The following THADA variants were observed in gnomAD, a reference collection of about 807,000 sequenced individuals.
THADA encodes the protein THADA armadillo repeat containing.
A neutral mutation model predicts 219.8 loss-of-function variants in THADA; 213 were observed. The ratio of observed to expected loss-of-function variants is 0.97; its 90% CI spans 0.87 to 1.09. THADA has a LOEUF of 1.09. THADA is among the 50% of genes least tolerant of loss of function. The pLI, the probability that THADA is intolerant of heterozygous loss-of-function variation, is 0.00. For missense variants in THADA, 2,956 were observed against 2,311.3 expected (o/e 1.28, Z -5.72); for synonymous variants, 1,018 against 828.9 (o/e 1.23, Z -3.92).
At chr2:43,526,528 T>C (rs1005899552) in intron 22 of THADA, among the ~76,000 whole-genome samples, 3 of 152,222 alleles carry the variant, frequency 2.0e-5, no homozygotes, top group Non-Finnish European at 2.9e-5. Context: ...CCTACCAGCC[T>C]ATCCCCATTG....
At chr2:43,243,116 C>T (rs1242958802) in intron 36 of THADA, among the ~76,000 whole-genome samples, 1 of 152,192 alleles carries the variant, frequency 6.6e-6, no homozygotes, top group Non-Finnish European at 1.5e-5. Flanking sequence ...GGCTAGGGCA[C>T]CTGCTGGGCA....
chr2:43,586,766 G>C, intron 5 of THADA, 32 bp from the exon 6 acceptor site: 2 of 1,610,920 alleles, frequency 1.2e-6, no homozygotes, highest in African/African-American at 1.3e-5. Flanking sequence ...CTGGTAAGGA[G>C]TTTCACGACC....
chr2:43,359,509 G>A (rs1324391743), intron 29 of THADA, among the ~76,000 whole-genome samples: 1 of 152,122 alleles, frequency 6.6e-6, no homozygotes, highest in African/African-American at 2.4e-5. Flanking sequence ...GTGAAACCCC[G>A]TCTCTACTAA....
intron 36 of THADA, among the ~76,000 whole-genome samples, chr2:43,255,499 T>C (rs1046594389): frequency 4.6e-5 from 7 of 152,178 alleles, no homozygotes; most frequent in African/African-American, 9.6e-5. Context: ...TTTTCACTGC[T>C]GTGGTGCTGC....
chr2:43,519,717 A>G (rs943865507), intron 22 of THADA, among the ~76,000 whole-genome samples: 2 of 152,228 alleles, frequency 1.3e-5, no homozygotes, highest in African/African-American at 4.8e-5. Context: ...ATGTTTAAGA[A>G]ATCTTTTGTT....
intron 29 of THADA, among the ~76,000 whole-genome samples, chr2:43,381,910 G>A (rs1672080998): frequency 6.6e-6 from 1 of 152,126 alleles, no homozygotes; most frequent in African/African-American, 2.4e-5. Flanking sequence ...GATAGCATGT[G>A]ATAGCATGTA....
intron 24 of THADA, 129 bp downstream of exon 24, chr2:43,505,493 G>T (rs1270928517): frequency 1.8e-6 from 1 of 544,712 alleles, no homozygotes; most frequent in African/African-American, 2.0e-5. Flanking sequence ...GGCGAAGGTT[G>T]CAGTGAGCTG....
intron 15 of THADA, among the ~76,000 whole-genome samples, chr2:43,560,629 A>T (rs1697948469): frequency 1.3e-5 from 2 of 152,220 alleles, no homozygotes; most frequent in Non-Finnish European, 2.9e-5. Flanking sequence ...GATACTATAT[A>T]AAAGATTTCT....
chr2:43,591,101 G>A lies in THADA; in HGVS notation c.172-147C>T, dbSNP rs561688221. ...TTTGGGAGGCTGAGGTGGGCAGATC[G>A]CTTGAGCCCAGGAGAGTTCGAGACA... On this transcript the variant is annotated intron_variant, in intron 3 of 37. Coordinates refer to ENST00000405975, the MANE Select transcript of THADA (RefSeq NM_022065.5). 13 of 672,540 alleles carry A rather than the reference G, an allele frequency of 1.9e-5. 1 individual carries two copies. The South Asian group carries it at 2.7e-4, about 14-fold the overall frequency. 41.7% of individuals were successfully genotyped at this position (672,540 alleles called of 1,614,324 possible). A position where few individuals can be genotyped will look rare whatever the true frequency, so the allele number is the denominator to read the frequency against.
intron 17 of THADA, among the ~76,000 whole-genome samples, chr2:43,554,270 G>C (rs927021711): frequency 6.6e-6 from 1 of 151,852 alleles, no homozygotes; most frequent in African/African-American, 2.4e-5. Context: ...TATTTATTTT[G>C]AGCTAGCTTT....
chr2:43,505,756 A>C, intron 23 of THADA, 21 bp from the exon 24 acceptor site: 1 of 1,519,324 alleles, frequency 6.6e-7, no homozygotes, highest in Non-Finnish European at 9.0e-7. Flanking sequence ...AGAATGCAAA[A>C]ATTAACAGGG....
intron 28 of THADA, among the ~76,000 whole-genome samples, chr2:43,418,757 G>A (rs1677323076): frequency 6.6e-6 from 1 of 151,800 alleles, no homozygotes; most frequent in African/African-American, 2.4e-5. Flanking sequence ...TGTTTGAGAG[G>A]CAGCGGGAGG....
intron 28 of THADA, among the ~76,000 whole-genome samples, chr2:43,414,690 A>G (rs1676721754): frequency 6.6e-6 from 1 of 152,222 alleles, no homozygotes; most frequent in African/African-American, 2.4e-5. Flanking sequence ...CCAAATGAAC[A>G]GGATATAAAC....
At chr2:43,410,904 A>G (rs969346008) in intron 28 of THADA, among the ~76,000 whole-genome samples, 9 of 152,208 alleles carry the variant, frequency 5.9e-5, no homozygotes, top group African/African-American at 1.7e-4. Flanking sequence ...ATAATCTTTC[A>G]TATACATTAG....
chr2:43,238,587 C>T (rs570768442), intron 36 of THADA, among the ~76,000 whole-genome samples: 1 of 152,214 alleles, frequency 6.6e-6, no homozygotes, highest in African/African-American at 2.4e-5. Flanking sequence ...AAACCTATGA[C>T]CCAAAAACTG....
chr2:43,527,021 T>C lies in THADA; in HGVS notation c.3374+858A>G, dbSNP rs182535261. 3.2e-3 allele frequency among the ~76,000 whole-genome samples: 484 copies of C among 152,324 alleles called. 2 individuals are homozygous for C. Among genetic ancestry groups the C allele is most frequent in the Non-Finnish European group, 5.5e-3 (377 of 68,036 alleles). On this transcript the variant is annotated intron_variant, in intron 22 of 37. Coordinates refer to ENST00000405975, the MANE Select transcript of THADA (RefSeq NM_022065.5). ...AATGTCAGGGACTTTTTAAAAAGTA[T>C]CATTTAAAGACATTCTGTGCAGCCC...
intron 26 of THADA, among the ~76,000 whole-genome samples, chr2:43,444,038 G>A (rs189231982): frequency 1.3e-5 from 2 of 152,256 alleles, no homozygotes; most frequent in Non-Finnish European, 1.5e-5. Flanking sequence ...GCACCATTTC[G>A]TTTTATTTTA....
At chr2:43,400,472 T>TATATAA (rs1202972088) in intron 28 of THADA, among the ~76,000 whole-genome samples, 1 of 144,104 alleles carries the variant, frequency 6.9e-6, no homozygotes, top group African/African-American at 2.6e-5. Context: ...TATATATATA[T>TATATAA]ATATAAATAT....
chr2:43,349,375 T>C (rs1348783941), intron 29 of THADA, among the ~76,000 whole-genome samples: 6 of 152,218 alleles, frequency 3.9e-5, no homozygotes, highest in African/African-American at 1.4e-4. Context: ...GGGTCCATTT[T>C]GGCAGCTTTG....
Sources: gnomAD v4.1 joint callset for allele counts (sites outside exome capture counted in the v4.1 genomes callset) on GRCh38, gnomAD v4.1.1 for gene constraint, MANE v1.5 for transcripts, NCBI Gene and HGNC (gene_info 2026-07-23, HGNC 2026-07-21) for gene names.